DCC: variants seen among roughly 807,000 people sequenced by gnomAD.
DCC encodes the protein netrin receptor DCC.
Under a neutral mutation model 172.5 loss-of-function variants are expected in DCC, and 58 were observed. The observed-to-expected ratio is 0.34, with a 90% confidence interval of 0.27 to 0.42. The LOEUF is 0.42. DCC is among the 10% of genes least tolerant of loss of function. DCC has a pLI of 1.00. For synonymous variants in DCC, 709 were observed against 644.5 expected, an observed-to-expected ratio of 1.10 and a Z score of -1.52; for missense variants, 1,740 against 1,791.0, an observed-to-expected ratio of 0.97 and a Z score of 0.51.
At chr18:53,007,819 G>T (rs946779466) in intron 5 of DCC, among the ~76,000 whole-genome samples, 1 of 152,076 alleles carries the variant, frequency 6.6e-6, no homozygotes, top group African/African-American at 2.4e-5. Flanking sequence ...AGTAGCAAAT[G>T]ATGGGTGATA....
chr18:52,817,775 C>G (rs1430241102), intron 2 of DCC, among the ~76,000 whole-genome samples: 1 of 150,684 alleles, frequency 6.6e-6, no homozygotes, highest in Non-Finnish European at 1.5e-5. Context: ...AACTCCCAAT[C>G]TGAAATATAA....
rs200751163 is a variant in DCC at position 52,880,129 on chromosome 18, CT to C, written c.413-25905del. On this transcript the variant is annotated intron_variant, in intron 2 of 28. Coordinates refer to ENST00000442544, the MANE Select transcript of DCC (RefSeq NM_005215.4). ...TATCAAATACTAGGTCTTATTCATTCTTTTTTTTTTCTTTCTTTTTGAGACA... is the reference window on the plus strand; with the variant it reads ...TATCAAATACTAGGTCTTATTCATTCTTTTTTTTTCTTTCTTTTTGAGACA... Among the ~76,000 whole-genome samples, 12 of 147,524 alleles carry C rather than the reference CT, an allele frequency of 8.1e-5. No individual in the cohort carries two copies. The South Asian group carries it at 9.1e-4, about 11-fold the overall frequency.
chr18:53,105,864 T>C (rs2043238698), intron 7 of DCC, among the ~76,000 whole-genome samples: 2 of 151,596 alleles, frequency 1.3e-5, no homozygotes, highest in Admixed American at 6.6e-5. Context: ...ATCATTCTAG[T>C]GTGACCAACT....
At chr18:52,652,479 G>A (rs574381832) in intron 1 of DCC, among the ~76,000 whole-genome samples, 108 of 152,072 alleles carry the variant, frequency 7.1e-4, no homozygotes, top group African/African-American at 1.9e-3. Flanking sequence ...GGAATCAAAC[G>A]AGTCATGCTC....
chr18:53,413,407 A>G (rs998556010), intron 20 of DCC, among the ~76,000 whole-genome samples: 2 of 152,228 alleles, frequency 1.3e-5, no homozygotes, highest in African/African-American at 4.8e-5. Flanking sequence ...GAAACATATG[A>G]TAGAAAAAAA....
At chr18:53,414,726 T>TA (rs1910202232) in intron 20 of DCC, among the ~76,000 whole-genome samples, 1 of 152,062 alleles carries the variant, frequency 6.6e-6, no homozygotes, top group Non-Finnish European at 1.5e-5. Flanking sequence ...CACATGCCTG[T>TA]AGTCCCAGCT....
At position 53,532,831 on chromosome 18, in the gene DCC, A is replaced by T. The variant is rs1048277746; in HGVS notation, c.*2178A>T. 2.0e-5 allele frequency: 3 copies of T among 152,146 alleles called. No homozygotes were observed. The highest frequency in any genetic ancestry group is 4.4e-5 in the Non-Finnish European group (3 of 68,016). 9.4% of individuals were successfully genotyped at this position (152,146 alleles called of 1,614,324 possible). On this transcript the variant is annotated 3_prime_UTR_variant, in exon 29 of 29. Transcript: ENST00000442544. ...TGAAGTTGACCAATTAAAAAAAAAA[A>T]AAAAACCTATCATTTTCACAAATTT...
intron 20 of DCC, among the ~76,000 whole-genome samples, chr18:53,414,200 A>G (rs1317585192): frequency 6.6e-6 from 1 of 152,190 alleles, no homozygotes; most frequent in South Asian, 2.1e-4. Context: ...AAGCTTTCAG[A>G]GAGCACCAAA....
chr18:52,638,692 T>C (rs1035275892), intron 1 of DCC, among the ~76,000 whole-genome samples: 1 of 152,034 alleles, frequency 6.6e-6, no homozygotes, highest in African/African-American at 2.4e-5. Context: ...CAATTACTAA[T>C]TGTTTTAGTA....
chr18:53,530,057 T>C (rs2046508578), intron 28 of DCC, among the ~76,000 whole-genome samples: 1 of 152,280 alleles, frequency 6.6e-6, no homozygotes, highest in African/African-American at 2.4e-5. Flanking sequence ...AATGTATCTA[T>C]GTCATGATAC....
intron 21 of DCC, among the ~76,000 whole-genome samples, chr18:53,421,130 T>C (rs1008791200): frequency 2.6e-5 from 4 of 152,208 alleles, no homozygotes; most frequent in African/African-American, 9.6e-5. Context: ...TTAAAAGTGA[T>C]TATTAGATCA....
intron 2 of DCC, among the ~76,000 whole-genome samples, chr18:52,889,988 A>G (rs536714070): frequency 2.1e-3 from 313 of 152,274 alleles, no homozygotes; most frequent in African/African-American, 7.1e-3. Flanking sequence ...AGAAATATAG[A>G]GTACTATATC....
intron 15 of DCC, among the ~76,000 whole-genome samples, chr18:53,360,888 T>C (rs1416743008): frequency 6.6e-6 from 1 of 152,196 alleles, no homozygotes; most frequent in Non-Finnish European, 1.5e-5. Context: ...ATTTCTGAGA[T>C]GCTTCTTTAA....
chr18:53,391,727 C>T lies in DCC; in HGVS notation c.2528C>T (p.Pro843Leu), dbSNP rs893327233. The change falls in exon 17 of 29, where the codon CCC (proline) becomes CTC (leucine). Residue 843 changes from proline to leucine, a missense_variant. By Grantham distance (98) the Pro-to-Leu change is moderately conservative. This residue lies in a region of DCC where 1,732 missense variants were observed against 1,767.4 expected (regional missense o/e 0.98). Transcript: ENST00000442544. ...FPTSVPDLST[P>L]MLPPVGVQAV... Reference sequence around the variant, plus strand: ...ACCTCGGTCCCAGATCTCTCCACCCCCATGCTCCCACCAGTAGGTGTACAG... The same window carrying T: ...ACCTCGGTCCCAGATCTCTCCACCCTCATGCTCCCACCAGTAGGTGTACAG... The T allele has an allele frequency of 6.2e-7, 1 of 1,614,024 alleles. No homozygotes were observed. The highest frequency in any genetic ancestry group is 1.1e-5 in the South Asian group (1 of 91,088).
At chr18:52,448,394 C>A (rs954805851) in intron 1 of DCC, among the ~76,000 whole-genome samples, 1 of 151,944 alleles carries the variant, frequency 6.6e-6, no homozygotes. Flanking sequence ...CTTTGGTGAA[C>A]AGAGCATACA....
intron 1 of DCC, among the ~76,000 whole-genome samples, chr18:52,710,532 G>A (rs1732125550): frequency 6.6e-6 from 1 of 152,196 alleles, no homozygotes; most frequent in African/African-American, 2.4e-5. Flanking sequence ...ATGTGCACAT[G>A]TGCATGTGAC....
chr18:53,305,946 A>G (rs1316836258), intron 13 of DCC, among the ~76,000 whole-genome samples: 1 of 152,216 alleles, frequency 6.6e-6, no homozygotes, highest in Non-Finnish European at 1.5e-5. Context: ...TGTATCATAA[A>G]ATTTTTATTC....
chr18:52,962,921 C>T (rs937357135), intron 5 of DCC, among the ~76,000 whole-genome samples: 2 of 130,140 alleles, frequency 1.5e-5, no homozygotes, highest in African/African-American at 6.0e-5. Flanking sequence ...CACATGGACA[C>T]AGGAAGGGGA....
intron 1 of DCC, among the ~76,000 whole-genome samples, chr18:52,442,472 G>A (rs1987999426): frequency 6.6e-6 from 1 of 152,164 alleles, no homozygotes; most frequent in African/African-American, 2.4e-5. Flanking sequence ...ATCTGATGTA[G>A]TGGATTTCTA....
Sources: allele counts gnomAD v4.1 joint callset (sites outside exome capture counted in the v4.1 genomes callset), GRCh38; gene constraint gnomAD v4.1.1; regional missense constraint gnomAD v4.1.1; transcripts MANE v1.5; gene names NCBI Gene and HGNC (gene_info 2026-07-23, HGNC 2026-07-21).